DNER: variants seen among roughly 807,000 people sequenced by gnomAD.
The protein encoded by DNER is delta/notch like EGF repeat containing, also known as delta and Notch-like epidermal growth factor-related receptor.
In DNER, 33 loss-of-function variants were observed where a neutral mutation model predicts 78.2. The ratio of observed to expected loss-of-function variants is 0.42; its 90% confidence interval spans 0.32 to 0.56. The LOEUF (loss-of-function observed/expected upper bound fraction) is 0.56, where lower values mean the gene tolerates loss of function less well. Ranked by LOEUF, DNER falls within the 20% of genes least tolerant of loss-of-function variation. DNER has a pLI of 0.11. For missense variants in DNER, 918 were observed against 975.3 expected, an observed-to-expected ratio of 0.94 and a Z score of 0.78; for synonymous variants, 417 against 384.8, an observed-to-expected ratio of 1.08 and a Z score of -0.98.
chr2:229,424,274 G>A (rs7580533), intron 8 of DNER, among the ~76,000 whole-genome samples: 81,700 of 152,010 alleles, frequency 0.54, 25,750 homozygotes, highest in Non-Finnish European at 0.72. Flanking sequence ...AACCCAAGGC[G>A]ATGGGCATGA....
chr2:229,588,906 G>A (rs557904648), intron 2 of DNER, among the ~76,000 whole-genome samples: 1 of 152,354 alleles, frequency 6.6e-6, no homozygotes, highest in East Asian at 1.9e-4. Context: ...AGGCAAGCCA[G>A]CCTTCGACTT....
chr2:229,609,410 G>T (rs1481709088), intron 1 of DNER, among the ~76,000 whole-genome samples: 4 of 152,068 alleles, frequency 2.6e-5, no homozygotes, highest in African/African-American at 4.8e-5. Context: ...TCAAAAGAAG[G>T]TTAATATTCC....
intron 6 of DNER, among the ~76,000 whole-genome samples, chr2:229,491,565 A>G (rs1446879505): frequency 6.6e-6 from 1 of 152,190 alleles, no homozygotes; most frequent in African/African-American, 2.4e-5. Flanking sequence ...TATTCCCCTG[A>G]TAGTCACACT....
chr2:229,714,265 G>A lies in DNER; in HGVS notation c.159C>T (p.Cys53=). Residue 53 remains cysteine, a synonymous_variant, in exon 1 of 13, where the codon TGC becomes TGT. Coordinates refer to ENST00000341772, the MANE Select transcript of DNER (RefSeq NM_139072.4). ...GCGAGGTGCACACACCCCCATTCCG[G>A]CAGGGCTGCGCGGCGCACGGCCCGG... ...SAPGPCAAQP[C]RNGGVCTSRP... 1 of 1,393,550 alleles carries A rather than the reference G, an allele frequency of 7.2e-7. No homozygotes were observed. Among genetic ancestry groups the A allele is most frequent in the South Asian group, 1.6e-5 (1 of 64,236 alleles). 86.3% of individuals were successfully genotyped at this position (1,393,550 alleles called of 1,614,324 possible). A position where few individuals can be genotyped will look rare whatever the true frequency, so the allele number is the denominator to read the frequency against.
chr2:229,593,313 C>G (rs1420651780), intron 1 of DNER, among the ~76,000 whole-genome samples: 1 of 152,170 alleles, frequency 6.6e-6, no homozygotes, highest in Non-Finnish European at 1.5e-5. Flanking sequence ...ATGGACTATA[C>G]CAAGTTGATT....
chr2:229,403,760 A>T (rs946252236), intron 10 of DNER, among the ~76,000 whole-genome samples: 1 of 151,836 alleles, frequency 6.6e-6, no homozygotes, highest in Non-Finnish European at 1.5e-5. Flanking sequence ...GTAGGGGTAA[A>T]GGGATGAGCA....
rs116216004 is a variant in DNER at position 229,417,418 on chromosome 2, T to C, written c.1609+690A>G. ...AGAAATGTGTGCAACAGCTGATAAA[T>C]AGGTTCTCCTGGAACAGGGCCGTCT... On this transcript the variant is annotated intron_variant, in intron 9 of 12. Coordinates refer to ENST00000341772, the MANE Select transcript of DNER (RefSeq NM_139072.4). Among the ~76,000 whole-genome samples the C allele has an allele frequency of 2.0e-3, 298 of 152,220 alleles. 1 individual carries two copies. The highest frequency in any genetic ancestry group is 6.8e-3 in the Middle Eastern group (2 of 294).
At chr2:229,426,440 C>CAAAAAAAAAAAAAAAAAA (rs58842918) in intron 8 of DNER, among the ~76,000 whole-genome samples, 1 of 69,212 alleles carries the variant, frequency 1.4e-5, no homozygotes, top group South Asian at 7.1e-4. Flanking sequence ...GACTCCATCT[C>CAAAAAAAAAAAAAAAAAA]AAAAAAAAAA....
chr2:229,689,884 C>G lies in DNER; in HGVS notation c.276+24264G>C, dbSNP rs116769130. Among the ~76,000 whole-genome samples the G allele has an allele frequency of 8.8e-3, 1,347 of 152,298 alleles. 20 individuals are homozygous for G. The highest frequency in any genetic ancestry group is 0.031 in the African/African-American group (1,281 of 41,548). On this transcript the variant is annotated intron_variant, in intron 1 of 12. Coordinates refer to ENST00000341772, the MANE Select transcript of DNER (RefSeq NM_139072.4). ...AGAGTCTGACTTCTGGATGCCCCAT[C>G]TAGAACTCTCTCTAGCATAACAACC...
chr2:229,519,734 G>T (rs146294588), intron 5 of DNER, among the ~76,000 whole-genome samples: 8 of 152,152 alleles, frequency 5.3e-5, no homozygotes, highest in Non-Finnish European at 1.0e-4. Flanking sequence ...ACCCTTAAGG[G>T]CATCTGCTAG....
At chr2:229,549,148 A>C (rs1696682348) in intron 4 of DNER, among the ~76,000 whole-genome samples, 3 of 152,172 alleles carry the variant, frequency 2.0e-5, no homozygotes, top group Admixed American at 1.3e-4. Flanking sequence ...AAAGAAACAC[A>C]CCAAATTCAG....
chr2:229,679,713 T>A (rs893906291), intron 1 of DNER, among the ~76,000 whole-genome samples: 2 of 152,338 alleles, frequency 1.3e-5, no homozygotes, highest in Middle Eastern at 3.4e-3. Context: ...ACAATGCCAA[T>A]TCCTCTGTCC....
intron 1 of DNER, among the ~76,000 whole-genome samples, chr2:229,619,757 T>C (rs1698222264): frequency 6.6e-6 from 1 of 152,206 alleles, no homozygotes; most frequent in African/African-American, 2.4e-5. Flanking sequence ...ATTTATCAAA[T>C]GCTAGGTAAA....
intron 1 of DNER, among the ~76,000 whole-genome samples, chr2:229,687,500 A>G (rs915329321): frequency 2.0e-5 from 3 of 151,930 alleles, no homozygotes; most frequent in Non-Finnish European, 2.9e-5. Flanking sequence ...CTGACCTCAA[A>G]TGATCCACCT....
At chr2:229,643,894 C>T (rs971362411) in intron 1 of DNER, among the ~76,000 whole-genome samples, 17 of 152,122 alleles carry the variant, frequency 1.1e-4, no homozygotes, top group Admixed American at 7.9e-4. Context: ...TATCTTCTTA[C>T]CTTCCCAGAT....
intron 12 of DNER, among the ~76,000 whole-genome samples, chr2:229,361,809 A>C (rs1338545977): frequency 6.6e-6 from 1 of 151,268 alleles, no homozygotes; most frequent in Non-Finnish European, 1.5e-5. Context: ...TTTTCAATCG[A>C]TAGTCTGTGT....
intron 5 of DNER, among the ~76,000 whole-genome samples, chr2:229,539,304 T>C (rs750011690): frequency 3.2e-4 from 49 of 152,096 alleles, no homozygotes; most frequent in Non-Finnish European, 6.5e-4. Context: ...TTCTGTACAT[T>C]CCCACTTCCG....
rs5839345 is a variant in DNER at position 229,644,334 on chromosome 2, CTTTTTTTTT to C, written c.277-52455_277-52447del. On this transcript the variant is annotated intron_variant, in intron 1 of 12. Transcript: ENST00000341772. ...AAGTATGATGACTGTCTTGCTTTCT[CTTTTTTTTT>C]TTTTTTTTTTTTTTTTTTGAGCTGG... Among the ~76,000 whole-genome samples the C allele has an allele frequency of 1.0e-3, 100 of 97,532 alleles. 2 individuals carry two copies. The highest frequency in any genetic ancestry group is 3.6e-3 in the East Asian group (12 of 3,348). 64.0% of individuals were successfully genotyped at this position (97,532 alleles called of 152,430 possible).
chr2:229,568,356 T>C (rs1347708645), intron 4 of DNER, among the ~76,000 whole-genome samples: 6 of 152,288 alleles, frequency 3.9e-5, no homozygotes, highest in African/African-American at 1.4e-4. Context: ...CAGCTTCTAG[T>C]TTCCATTTCT....
Sources: gnomAD v4.1 joint callset for allele counts (sites outside exome capture counted in the v4.1 genomes callset) on GRCh38, gnomAD v4.1.1 for gene constraint, MANE v1.5 for transcripts, NCBI Gene and HGNC (gene_info 2026-07-23, HGNC 2026-07-21) for gene names.